The following SHISA9 variants were observed in gnomAD, a reference collection of about 807,000 sequenced individuals.
The protein encoded by SHISA9 is protein shisa-9.
Under a neutral mutation model 38.0 loss-of-function variants are expected in SHISA9, and 13 were observed. The observed-to-expected ratio is 0.34, with a 90% CI of 0.22 to 0.54. The LOEUF is 0.54. SHISA9 is among the 20% of genes least tolerant of loss of function. The pLI, the probability that SHISA9 is intolerant of heterozygous loss-of-function variation, is 0.91. For synonymous variants in SHISA9, 275 were observed against 242.0 expected, an observed-to-expected ratio of 1.14 and a Z score of -1.27; for missense variants, 538 against 575.8, an observed-to-expected ratio of 0.93 and a Z score of 0.67.
chr16:13,100,824 C>T (rs1001505747), intron 2 of SHISA9, among the ~76,000 whole-genome samples: 4 of 152,212 alleles, frequency 2.6e-5, no homozygotes, highest in Admixed American at 2.6e-4. Flanking sequence ...TCTCCTGCCT[C>T]AGCCTCCCAA....
At chr16:12,908,586 A>G in intron 1 of SHISA9, 1 of 1,551,754 alleles carries the variant, frequency 6.4e-7, no homozygotes, top group South Asian at 1.2e-5. Context: ...GTCTGAGTGC[A>G]CGGATCCTTG....
chr16:13,130,649 A>G (rs78338062), intron 2 of SHISA9, among the ~76,000 whole-genome samples: 5 of 152,194 alleles, frequency 3.3e-5, no homozygotes, highest in African/African-American at 1.2e-4. Context: ...ATCTTCTGCA[A>G]TGAAATACAT....
the SHISA9 span, among the ~76,000 whole-genome samples, chr16:13,263,123 C>G: frequency 6.6e-6 from 1 of 152,184 alleles, no homozygotes; most frequent in Admixed American, 6.5e-5. Flanking sequence ...CTCCACCTCA[C>G]TCAGACCATC....
intron 2 of SHISA9, among the ~76,000 whole-genome samples, chr16:13,016,763 G>A (rs1036614546): frequency 6.6e-6 from 1 of 152,184 alleles, no homozygotes; most frequent in Non-Finnish European, 1.5e-5. Flanking sequence ...GGAGAGAACT[G>A]TAGGAAAAAG....
At chr16:12,921,247 A>G (rs577185836) in intron 2 of SHISA9, among the ~76,000 whole-genome samples, 1 of 152,208 alleles carries the variant, frequency 6.6e-6, no homozygotes, top group Non-Finnish European at 1.5e-5. Context: ...ATGTTTTAGA[A>G]CATAAAATCC....
chr16:13,378,566 A>C, the SHISA9 span, among the ~76,000 whole-genome samples: 2 of 152,188 alleles, frequency 1.3e-5, no homozygotes, highest in Non-Finnish European at 2.9e-5. Flanking sequence ...ACTCTCCTGA[A>C]TCATATAGAG....
chr16:13,284,212 A>G, the SHISA9 span, among the ~76,000 whole-genome samples: 3 of 152,218 alleles, frequency 2.0e-5, no homozygotes, highest in African/African-American at 4.8e-5. Context: ...ATAGAGCTAT[A>G]TAATCACAGG....
intron 4 of SHISA9, among the ~76,000 whole-genome samples, chr16:13,227,782 C>T (rs2051293612): frequency 6.6e-6 from 1 of 152,146 alleles, no homozygotes; most frequent in East Asian, 1.9e-4. Context: ...ATCAAGGCCC[C>T]TTTGTGTGCC....
In SHISA9 at chr16:12,902,598, G is replaced by T; in HGVS notation, c.534G>T (p.Ala178=). 1 of 1,550,658 alleles carries T rather than the reference G, an allele frequency of 6.4e-7. No homozygotes were observed. Among genetic ancestry groups the T allele is most frequent in the Non-Finnish European group, 8.7e-7 (1 of 1,146,832 alleles). Residue 178 remains alanine, a synonymous_variant, in exon 1 of 5, where the codon GCG becomes GCT. Coordinates refer to ENST00000558583, the MANE Select transcript of SHISA9 (RefSeq NM_001145204.3). ...GIFTKLGLEK[A]HRPQREHMSR... ...TCACCAAGCTGGGGCTGGAGAAAGC[G>T]CACCGGCCCCAAAGGGAGCACATGT...
chr16:13,235,418 C>T lies in SHISA9; in HGVS notation c.*9C>T. ...CAGAAGTGACTGTCTGAGCTTTCAC[C>T]ACAGGGAGCACCCTGGAGACCACAC... On this transcript the variant is annotated 3_prime_UTR_variant, in exon 5 of 5. Coordinates refer to ENST00000558583, the MANE Select transcript of SHISA9 (RefSeq NM_001145204.3). 6.5e-7 allele frequency: 1 copy of T among 1,531,358 alleles called. No homozygotes were observed. Among genetic ancestry groups the T allele is most frequent in the Non-Finnish European group, 8.7e-7 (1 of 1,143,296 alleles). 94.9% of individuals were successfully genotyped at this position (1,531,358 alleles called of 1,614,324 possible). A position where few individuals can be genotyped will look rare whatever the true frequency, so the allele number is the denominator to read the frequency against.
the SHISA9 span, among the ~76,000 whole-genome samples, chr16:13,368,568 A>G: frequency 6.6e-6 from 1 of 152,134 alleles, no homozygotes; most frequent in Non-Finnish European, 1.5e-5. Context: ...TTGTTTTTAG[A>G]TTGAGAGAAG....
chr16:13,121,739 A>G (rs878970834), intron 2 of SHISA9, among the ~76,000 whole-genome samples: 2 of 152,008 alleles, frequency 1.3e-5, no homozygotes, highest in African/African-American at 4.8e-5. Flanking sequence ...GGCAATTTCA[A>G]AGCTTCATTT....
At chr16:13,485,669 T>A in the SHISA9 span, among the ~76,000 whole-genome samples, 22 of 152,356 alleles carry the variant, frequency 1.4e-4, no homozygotes, top group African/African-American at 4.1e-4. Flanking sequence ...TCTTCTCTTC[T>A]AGGTATTTTG....
the SHISA9 span, among the ~76,000 whole-genome samples, chr16:13,491,817 CCTTTTTT>C: frequency 6.4e-5 from 3 of 46,888 alleles, no homozygotes; most frequent in Admixed American, 4.8e-4. Context: ...TATTTATTGA[CCTTTTTT>C]TTTTTTTTTT....
At chr16:13,013,072 T>C (rs2141854360) in intron 2 of SHISA9, among the ~76,000 whole-genome samples, 1 of 152,320 alleles carries the variant, frequency 6.6e-6, no homozygotes, top group East Asian at 1.9e-4. Flanking sequence ...GATTAAGCAG[T>C]TAAAGGCCGA....
At chr16:13,526,472 C>T in the SHISA9 span, among the ~76,000 whole-genome samples, 1 of 152,154 alleles carries the variant, frequency 6.6e-6, no homozygotes, top group Non-Finnish European at 1.5e-5. Context: ...CCACCTCTGC[C>T]TCCTGGGTTC....
the SHISA9 span, among the ~76,000 whole-genome samples, chr16:13,362,950 C>T: frequency 6.6e-6 from 1 of 152,208 alleles, no homozygotes; most frequent in African/African-American, 2.4e-5. Context: ...CTGATGCCAA[C>T]TAATAATATA....
the SHISA9 span, among the ~76,000 whole-genome samples, chr16:13,340,275 G>T: frequency 6.6e-6 from 1 of 152,186 alleles, no homozygotes; most frequent in South Asian, 2.1e-4. Flanking sequence ...ATTTGGCCAG[G>T]TGTCTTTCCC....
chr16:12,995,659 G>C (rs1204501133), intron 2 of SHISA9, among the ~76,000 whole-genome samples: 1 of 152,086 alleles, frequency 6.6e-6, no homozygotes, highest in Non-Finnish European at 1.5e-5. Flanking sequence ...AAGCCTCAGA[G>C]GAATTCTCAA....
Sources: gnomAD v4.1 joint callset for allele counts (sites outside exome capture counted in the v4.1 genomes callset) on GRCh38, gnomAD v4.1.1 for gene constraint, MANE v1.5 for transcripts, NCBI Gene and HGNC (gene_info 2026-07-23, HGNC 2026-07-21) for gene names.